MPPED2: variants seen among roughly 807,000 people sequenced by gnomAD.
MPPED2 encodes metallophosphoesterase domain containing 2.
Under a neutral mutation model 33.0 loss-of-function variants are expected in MPPED2, and 5 were observed. The ratio of observed to expected loss-of-function variants is 0.15; its 90% confidence interval spans 0.08 to 0.32. MPPED2 has a LOEUF of 0.32. Ranked by LOEUF, MPPED2 falls within the 10% of genes least tolerant of loss-of-function variation. The probability of loss-of-function intolerance (pLI) is 1.00; values close to 1 mark genes in which losing one functional copy is unlikely to be tolerated. For synonymous variants in MPPED2, 136 were observed against 141.9 expected, an observed-to-expected ratio of 0.96 and a Z score of 0.29; for missense variants, 275 against 372.1, an observed-to-expected ratio of 0.74 and a Z score of 2.15.
intron 2 of MPPED2, among the ~76,000 whole-genome samples, chr11:30,550,569 T>C (rs539556717): frequency 9.3e-4 from 141 of 152,180 alleles, no homozygotes; most frequent in Non-Finnish European, 1.2e-3. Flanking sequence ...GCCTGAAGGG[T>C]ATGGACAAGT....
chr11:30,460,791 G>A (rs1221438633), intron 4 of MPPED2, among the ~76,000 whole-genome samples: 1 of 152,132 alleles, frequency 6.6e-6, no homozygotes, highest in Non-Finnish European at 1.5e-5. Flanking sequence ...TGTAAAATAG[G>A]GCAGTCACTG....
At chr11:30,453,706 T>C (rs1237691203) in intron 4 of MPPED2, among the ~76,000 whole-genome samples, 8 of 152,150 alleles carry the variant, frequency 5.3e-5, no homozygotes. Flanking sequence ...GTAGATCTCA[T>C]TGAACACTGA....
chr11:30,569,546 A>T (rs1335052797), intron 2 of MPPED2, among the ~76,000 whole-genome samples: 5 of 152,200 alleles, frequency 3.3e-5, no homozygotes, highest in African/African-American at 1.2e-4. Flanking sequence ...AACCTGTAAA[A>T]GTCAGAATTT....
chr11:30,558,038 C>T (rs1045247127), intron 2 of MPPED2, among the ~76,000 whole-genome samples: 3 of 152,166 alleles, frequency 2.0e-5, no homozygotes, highest in African/African-American at 7.2e-5. Flanking sequence ...CATGACCTGG[C>T]TCCAAGGACA....
intron 2 of MPPED2, among the ~76,000 whole-genome samples, chr11:30,553,022 C>T (rs1590830284): frequency 1.3e-5 from 2 of 152,114 alleles, no homozygotes; most frequent in Admixed American, 6.5e-5. Context: ...TCGACAGGCC[C>T]GGCCACCCAC....
intron 1 of MPPED2, among the ~76,000 whole-genome samples, chr11:30,585,254 A>G (rs373899371): frequency 2.0e-5 from 3 of 152,218 alleles, no homozygotes; most frequent in East Asian, 3.9e-4. Flanking sequence ...CCCGTCGCCT[A>G]GCCTCGACCC....
intron 3 of MPPED2, among the ~76,000 whole-genome samples, chr11:30,495,732 G>T (rs1249699083): frequency 6.6e-6 from 1 of 152,088 alleles, no homozygotes; most frequent in Non-Finnish European, 1.5e-5. Context: ...TAGCTAAAAC[G>T]TTGCTAAAAA....
intron 6 of MPPED2, among the ~76,000 whole-genome samples, chr11:30,404,052 G>C (rs1000901413): frequency 6.6e-6 from 1 of 152,256 alleles, no homozygotes; most frequent in African/African-American, 2.4e-5. Context: ...TCCAACCCTA[G>C]TAGCCATACC....
chr11:30,524,901 A>G (rs1783361471), intron 3 of MPPED2, among the ~76,000 whole-genome samples: 2 of 152,224 alleles, frequency 1.3e-5, no homozygotes, highest in African/African-American at 4.8e-5. Context: ...TCTGGTCTCC[A>G]GTTAGATGCA....
chr11:30,497,425 CA>C (rs1284139700), intron 3 of MPPED2, among the ~76,000 whole-genome samples: 1 of 152,178 alleles, frequency 6.6e-6, no homozygotes, highest in Non-Finnish European at 1.5e-5. Context: ...AACGTTTTCC[CA>C]GACAGCAATG....
chr11:30,535,014 A>C (rs569169223), intron 3 of MPPED2, among the ~76,000 whole-genome samples: 44 of 152,240 alleles, frequency 2.9e-4, no homozygotes, highest in Non-Finnish European at 4.7e-4. Flanking sequence ...AACCATACAA[A>C]ATGTGAACAG....
At chr11:30,526,519 A>C (rs1954187437) in intron 3 of MPPED2, among the ~76,000 whole-genome samples, 1 of 152,144 alleles carries the variant, frequency 6.6e-6, no homozygotes, top group South Asian at 2.1e-4. Flanking sequence ...TTGAGTATTA[A>C]ACTCTCAACA....
intron 6 of MPPED2, among the ~76,000 whole-genome samples, chr11:30,395,977 G>C (rs185237254): frequency 2.7e-4 from 41 of 152,152 alleles, no homozygotes; most frequent in African/African-American, 9.9e-4. Flanking sequence ...TGACCTAACC[G>C]GTTCTTAAAT....
intron 2 of MPPED2, among the ~76,000 whole-genome samples, chr11:30,556,310 A>G (rs1054966111): frequency 1.3e-5 from 2 of 152,156 alleles, no homozygotes; most frequent in African/African-American, 4.8e-5. Context: ...GCTCTTCTCC[A>G]TGCCATTCCC....
chr11:30,409,957 G>C, downstream of MPPED2: 2 of 382,040 alleles, frequency 5.2e-6, no homozygotes, highest in Non-Finnish European at 7.2e-6. Context: ...CAGTCTCTCT[G>C]TTCCTGTAGA....
intron 1 of MPPED2, among the ~76,000 whole-genome samples, chr11:30,581,520 G>A (rs1213328105): frequency 6.6e-6 from 1 of 152,178 alleles, no homozygotes; most frequent in Non-Finnish European, 1.5e-5. Context: ...GGTAACCCAT[G>A]CTCTTACTTT....
intron 3 of MPPED2, among the ~76,000 whole-genome samples, chr11:30,518,438 C>A (rs1009779870): frequency 2.6e-5 from 4 of 152,200 alleles, no homozygotes; most frequent in African/African-American, 9.7e-5. Flanking sequence ...GTTTCACAAG[C>A]ATCTTTATGT....
At chr11:30,580,024 A>G (rs922606165) in intron 2 of MPPED2, among the ~76,000 whole-genome samples, 2 of 152,124 alleles carry the variant, frequency 1.3e-5, no homozygotes, top group African/African-American at 4.8e-5. Context: ...GAGGCTCTGA[A>G]AATCTAATTT....
chr11:30,528,370 C>T (rs1225094625), intron 3 of MPPED2, among the ~76,000 whole-genome samples: 1 of 152,138 alleles, frequency 6.6e-6, no homozygotes, highest in Admixed American at 6.5e-5. Flanking sequence ...ATTCTCATGC[C>T]TCAGTCTTTT....
Sources: gnomAD v4.1 joint callset for allele counts (sites outside exome capture counted in the v4.1 genomes callset) on GRCh38, gnomAD v4.1.1 for gene constraint, MANE v1.5 for transcripts, NCBI Gene and HGNC (gene_info 2026-07-23, HGNC 2026-07-21) for gene names.